Variants in CRIM1 observed in about 807,000 individuals in gnomAD.
CRIM1 encodes cysteine rich transmembrane BMP regulator 1.
In CRIM1, 32 loss-of-function variants were observed where a neutral mutation model predicts 116.4. The observed-to-expected ratio is 0.27, with a 90% CI of 0.21 to 0.37. The LOEUF (loss-of-function observed/expected upper bound fraction) is 0.37, where lower values mean the gene tolerates loss of function less well. Ranked by LOEUF, CRIM1 falls within the 10% of genes least tolerant of loss-of-function variation. The pLI is 1.00. For missense variants in CRIM1, 1,331 were observed against 1,354.8 expected, an observed-to-expected ratio of 0.98 and a Z score of 0.28; for synonymous variants, 590 against 509.2, an observed-to-expected ratio of 1.16 and a Z score of -2.13.
At chr2:36,513,350 A>C in intron 10 of CRIM1, 3 of 542,224 alleles carry the variant, frequency 5.5e-6, no homozygotes, top group East Asian at 3.0e-5. Flanking sequence ...GAGAGAAACT[A>C]TTTGCCGGTT....
At chr2:36,374,474 G>C (rs1025391259) in intron 1 of CRIM1, among the ~76,000 whole-genome samples, 5 of 152,070 alleles carry the variant, frequency 3.3e-5, no homozygotes, top group Non-Finnish European at 7.4e-5. Context: ...ACCCTGCCTA[G>C]TCTTACTCTG....
intron 4 of CRIM1, among the ~76,000 whole-genome samples, chr2:36,455,897 T>G (rs1280183394): frequency 6.6e-6 from 1 of 152,134 alleles, no homozygotes; most frequent in African/African-American, 2.4e-5. Context: ...TCTGGGGATG[T>G]GCATTCCTTG....
At chr2:36,527,751 G>A (rs910528419) in intron 13 of CRIM1, among the ~76,000 whole-genome samples, 3 of 152,244 alleles carry the variant, frequency 2.0e-5, no homozygotes, top group Non-Finnish European at 4.4e-5. Context: ...ATTTAATTCA[G>A]GCATCTTTAA....
At chr2:36,475,396 G>C (rs1678891886) in intron 5 of CRIM1, among the ~76,000 whole-genome samples, 1 of 151,962 alleles carries the variant, frequency 6.6e-6, no homozygotes, top group African/African-American at 2.4e-5. Flanking sequence ...TTCATTGCTA[G>C]GGTATACAAA....
At chr2:36,538,922 T>G (rs574204233) in intron 14 of CRIM1, among the ~76,000 whole-genome samples, 10 of 152,382 alleles carry the variant, frequency 6.6e-5, no homozygotes, top group African/African-American at 2.4e-4. Flanking sequence ...ATGATATAAA[T>G]GATGAAACTT....
At chr2:36,499,091 G>A (rs1680803565) in intron 7 of CRIM1, 128 bp from the exon 8 acceptor site, 3 of 704,758 alleles carry the variant, frequency 4.3e-6, no homozygotes, top group Non-Finnish European at 7.3e-6. Context: ...GAGCATAAAA[G>A]TTTACGATTT....
chr2:36,396,287 C>T (rs1340215319), intron 1 of CRIM1, among the ~76,000 whole-genome samples: 1 of 152,114 alleles, frequency 6.6e-6, no homozygotes, highest in Non-Finnish European at 1.5e-5. Flanking sequence ...TGAAAAAACC[C>T]AGGAATCTTT....
intron 12 of CRIM1, among the ~76,000 whole-genome samples, chr2:36,517,888 A>C (rs1327732259): frequency 6.6e-6 from 1 of 152,238 alleles, no homozygotes; most frequent in Admixed American, 6.5e-5. Flanking sequence ...TACTGTGAAA[A>C]GTCATCTTTA....
At chr2:36,477,485 G>A (rs767978092) in intron 6 of CRIM1, among the ~76,000 whole-genome samples, 2 of 152,154 alleles carry the variant, frequency 1.3e-5, no homozygotes, top group African/African-American at 2.4e-5. Context: ...TCAGCCTGCC[G>A]GCCCAGAGAG....
chr2:36,438,882 CAAAT>C (rs1418994677), intron 2 of CRIM1, among the ~76,000 whole-genome samples: 4 of 152,132 alleles, frequency 2.6e-5, no homozygotes, highest in Non-Finnish European at 5.9e-5. Context: ...TGACCTTGGG[CAAAT>C]AAATCTGAAT....
At chr2:36,526,370 G>A (rs1031286853) in intron 13 of CRIM1, among the ~76,000 whole-genome samples, 2 of 152,204 alleles carry the variant, frequency 1.3e-5, no homozygotes, top group Non-Finnish European at 2.9e-5. Context: ...GTGGTTCCTT[G>A]TAAACAGCAA....
intron 1 of CRIM1, among the ~76,000 whole-genome samples, chr2:36,379,857 T>C (rs1156973314): frequency 1.3e-5 from 2 of 149,738 alleles, no homozygotes; most frequent in Admixed American, 6.7e-5. Flanking sequence ...ACTGACTTTG[T>C]GGTCAAACTT....
At chr2:36,526,131 CTAAG>C (rs1341625295) in intron 13 of CRIM1, among the ~76,000 whole-genome samples, 2 of 152,154 alleles carry the variant, frequency 1.3e-5, no homozygotes, top group Admixed American at 6.5e-5. Context: ...TAGAAAGAAA[CTAAG>C]TAGTAATTAC....
intron 2 of CRIM1, among the ~76,000 whole-genome samples, chr2:36,438,128 C>T (rs1250695108): frequency 1.6e-5 from 2 of 127,142 alleles, no homozygotes; most frequent in African/African-American, 6.4e-5. Context: ...AAGACTCCAT[C>T]TCAAAAAAAA....
intron 14 of CRIM1, among the ~76,000 whole-genome samples, chr2:36,543,369 A>C (rs1667088356): frequency 6.6e-6 from 1 of 152,206 alleles, no homozygotes; most frequent in Non-Finnish European, 1.5e-5. Flanking sequence ...TTTGAGACAG[A>C]AAACAATCAC....
intron 4 of CRIM1, 144 bp downstream of exon 4, chr2:36,442,879 C>T (rs924934966): frequency 2.1e-6 from 2 of 958,542 alleles, no homozygotes; most frequent in African/African-American, 3.3e-5. Flanking sequence ...GTTTGCATTA[C>T]TTGGTATTTA....
chr2:36,545,304 G>A (rs1437149887), intron 15 of CRIM1, among the ~76,000 whole-genome samples: 2 of 152,128 alleles, frequency 1.3e-5, no homozygotes, highest in African/African-American at 4.8e-5. Flanking sequence ...TCAAATTCCT[G>A]GACCTAGTGT....
intron 4 of CRIM1, among the ~76,000 whole-genome samples, chr2:36,450,248 C>T (rs1328992098): frequency 1.3e-5 from 2 of 152,166 alleles, no homozygotes; most frequent in East Asian, 3.8e-4. Flanking sequence ...CACAGGCTCA[C>T]CTGTGTGAAA....
chr2:36,514,565 C>T (rs1664911143), intron 11 of CRIM1, among the ~76,000 whole-genome samples: 1 of 152,172 alleles, frequency 6.6e-6, no homozygotes, highest in African/African-American at 2.4e-5. Context: ...ATAGTATGTC[C>T]ACCAAAAGGC....
Sources: allele counts gnomAD v4.1 joint callset (sites outside exome capture counted in the v4.1 genomes callset), GRCh38; gene constraint gnomAD v4.1.1; transcripts MANE v1.5; gene names NCBI Gene and HGNC (gene_info 2026-07-23, HGNC 2026-07-21).